ASPH: variants seen among roughly 807,000 people sequenced by gnomAD.
ASPH encodes the protein aspartate beta-hydroxylase.
A neutral mutation model predicts 118.4 loss-of-function variants in ASPH; 100 were observed. The ratio of observed to expected loss-of-function variants is 0.84; its 90% CI spans 0.72 to 1.00. The LOEUF (loss-of-function observed/expected upper bound fraction) is 1.00, where lower values mean the gene tolerates loss of function less well. ASPH is among the 50% of genes least tolerant of loss of function. The pLI is 0.00. For missense variants in ASPH, 920 were observed against 919.5 expected (o/e 1.00, Z -0.01); for synonymous variants, 315 against 325.6 (o/e 0.97, Z 0.35).
At chr8:61,533,473 A>C (rs1398267200) in intron 21 of ASPH, among the ~76,000 whole-genome samples, 1 of 151,902 alleles carries the variant, frequency 6.6e-6, no homozygotes, top group Non-Finnish European at 1.5e-5. Context: ...TGTTTTGTTC[A>C]TCTTTCGTGT....
intron 15 of ASPH, among the ~76,000 whole-genome samples, chr8:61,580,052 A>G (rs1284134343): frequency 1.3e-5 from 2 of 152,130 alleles, no homozygotes; most frequent in African/African-American, 4.8e-5. Flanking sequence ...TCTCACATCC[A>G]GGTCATGCTG....
chr8:61,514,800 A>C (rs1418281481), intron 24 of ASPH, among the ~76,000 whole-genome samples: 1 of 152,088 alleles, frequency 6.6e-6, no homozygotes, highest in Non-Finnish European at 1.5e-5. Flanking sequence ...TCCTGGCCTC[A>C]AGCAATCCTC....
In ASPH at chr8:61,533,601, A is replaced by AT. The variant is rs776243461; in HGVS notation, c.1765-7490dup. Among the ~76,000 whole-genome samples the AT allele has an allele frequency of 1.2e-4, 19 of 152,282 alleles. No individual in the cohort carries two copies. The East Asian group carries it at 2.7e-3, about 22-fold the overall frequency. On this transcript the variant is annotated intron_variant, in intron 21 of 24. Coordinates refer to ENST00000379454, the MANE Select transcript of ASPH (RefSeq NM_004318.4). ...TCTGACAGGCCTCCATGTTGGGTGC[A>AT]TTGTCAAGCCAGTTTGTTTGTTTTT...
intron 3 of ASPH, chr8:61,665,469 A>AT (rs1263167681): frequency 6.4e-7 from 1 of 1,571,368 alleles, no homozygotes; most frequent in Admixed American, 1.9e-5. Flanking sequence ...TCCTTCCTGG[A>AT]TAGGTCTGCA....
intron 23 of ASPH, 71 bp downstream of exon 23, chr8:61,517,960 TC>T: frequency 6.9e-7 from 1 of 1,439,058 alleles, no homozygotes; most frequent in Non-Finnish European, 9.6e-7. Context: ...AACAACCATT[TC>T]TTTGTAAAGG....
chr8:61,639,509 G>GT (rs1246154502), intron 10 of ASPH, among the ~76,000 whole-genome samples: 1 of 152,010 alleles, frequency 6.6e-6, no homozygotes, highest in Non-Finnish European at 1.5e-5. Flanking sequence ...CTCCCCTTTG[G>GT]TTTTTCGTTT....
chr8:61,517,423 C>G (rs899792300), intron 24 of ASPH, 105 bp downstream of exon 24: 20 of 1,475,296 alleles, frequency 1.4e-5, no homozygotes, highest in Middle Eastern at 1.8e-4. Context: ...CTCCAGTCTA[C>G]TTCAGCTACA....
intron 18 of ASPH, among the ~76,000 whole-genome samples, chr8:61,559,931 T>C (rs1001317123): frequency 3.0e-5 from 1 of 32,842 alleles, no homozygotes; most frequent in Non-Finnish European, 6.2e-5. Context: ...GTTTTAGTGT[T>C]GGTGAGGGTT....
chr8:61,603,335 G>A, intron 14 of ASPH, among the ~76,000 whole-genome samples: 1 of 151,880 alleles, frequency 6.6e-6, no homozygotes, highest in East Asian at 1.9e-4. Flanking sequence ...AATTTGAAAT[G>A]GGACCTAAAC....
intron 14 of ASPH, among the ~76,000 whole-genome samples, chr8:61,613,393 C>G (rs576796948): frequency 1.3e-5 from 2 of 152,298 alleles, no homozygotes; most frequent in East Asian, 3.9e-4. Context: ...TAAAATAAAT[C>G]TCTATCTATT....
chr8:61,663,986 A>G (rs1034260491), intron 3 of ASPH: 1 of 864,074 alleles, frequency 1.2e-6, no homozygotes, highest in African/African-American at 1.8e-5. Flanking sequence ...AAGTAAATAA[A>G]TATGTTTTAA....
chr8:61,579,367 C>T, intron 15 of ASPH: 1 of 1,614,114 alleles, frequency 6.2e-7, no homozygotes, highest in Non-Finnish European at 8.5e-7. Flanking sequence ...GTCAAGCTGG[C>T]CCTGGACATC....
Position 61,531,773 on chromosome 8 carries a change from T to C in ASPH, c.1765-5661A>G, listed in dbSNP as rs902318803. 3.3e-5 allele frequency among the ~76,000 whole-genome samples: 5 copies of C among 152,192 alleles called. No individual in the cohort carries two copies. In the East Asian group the frequency reaches 5.8e-4, roughly 18 times the overall value. ...GTTTGACTTTTTTAGATGCCACATA[T>C]AAGTGATATCATACAGTGTTTGTCT... On this transcript the variant is annotated intron_variant, in intron 21 of 24. Coordinates refer to ENST00000379454, the MANE Select transcript of ASPH (RefSeq NM_004318.4).
At chr8:61,576,142 T>C (rs1397294724) in intron 16 of ASPH, among the ~76,000 whole-genome samples, 6 of 152,214 alleles carry the variant, frequency 3.9e-5, no homozygotes, top group Admixed American at 3.9e-4. Context: ...TGAGACCTCT[T>C]GTAGCTGCAC....
intron 18 of ASPH, among the ~76,000 whole-genome samples, chr8:61,561,299 G>C (rs566686464): frequency 3.9e-5 from 6 of 152,258 alleles, no homozygotes; most frequent in African/African-American, 1.4e-4. Context: ...ACAGGGCATT[G>C]AGTGTTATGT....
chr8:61,653,376 C>A (rs1812075977), intron 4 of ASPH, among the ~76,000 whole-genome samples, 192 bp downstream of exon 4: 1 of 152,154 alleles, frequency 6.6e-6, no homozygotes, highest in Non-Finnish European at 1.5e-5. Flanking sequence ...TAGAGCTGAT[C>A]TTAAAAATTA....
At chr8:61,711,735 A>T (rs933537368) in intron 1 of ASPH, among the ~76,000 whole-genome samples, 2 of 152,196 alleles carry the variant, frequency 1.3e-5, no homozygotes, top group Non-Finnish European at 2.9e-5. Flanking sequence ...TTTACACAAC[A>T]ACTTAAGAAA....
At chr8:61,628,604 C>A (rs1854085345) in intron 13 of ASPH, among the ~76,000 whole-genome samples, 1 of 152,150 alleles carries the variant, frequency 6.6e-6, no homozygotes, top group Admixed American at 6.6e-5. Flanking sequence ...CTCTGCTCTC[C>A]TCCTGCCAGC....
Position 61,663,361 on chromosome 8 carries a change from T to C in ASPH, c.323-9701A>G, listed in dbSNP as rs999048133. The C allele has an allele frequency of 5.1e-6, 5 of 985,270 alleles. No homozygotes were observed. The African/African-American group carries it at 8.7e-5, about 17-fold the overall frequency. The allele number at this position is 985,270 out of a possible 1,614,324, so 61.0% of individuals were successfully genotyped here. A position where few individuals can be genotyped will look rare whatever the true frequency, so the allele number is the denominator to read the frequency against. On this transcript the variant is annotated intron_variant, in intron 3 of 24. Transcript: ENST00000379454. ...GTTCACCAGGCCTAACCAGGCCAAC[T>C]GGAATTATCTCTCCCAGAGCCATCT... is the stretch of plus-strand genomic sequence containing the variant.
Sources: allele counts gnomAD v4.1 joint callset (sites outside exome capture counted in the v4.1 genomes callset), GRCh38; gene constraint gnomAD v4.1.1; transcripts MANE v1.5; gene names NCBI Gene and HGNC (gene_info 2026-07-23, HGNC 2026-07-21).